Variants in BICC1 observed in about 807,000 individuals in gnomAD.
BICC1 encodes BicC family RNA binding protein 1.
In BICC1, 43 loss-of-function variants were observed where a neutral mutation model predicts 111.0. The observed-to-expected ratio is 0.39, with a 90% CI of 0.30 to 0.50. BICC1 has a LOEUF of 0.50. Among genes scored for constraint, BICC1 ranks in the 20% least tolerant of loss-of-function variants. The pLI, the probability that BICC1 is intolerant of heterozygous loss-of-function variation, is 0.88. For synonymous variants in BICC1, 467 were observed against 434.4 expected (o/e 1.07, Z -0.93); for missense variants, 1,091 against 1,203.2 (o/e 0.91, Z 1.38).
intron 2 of BICC1, among the ~76,000 whole-genome samples, chr10:58,635,522 T>C (rs917160798): frequency 1.3e-5 from 2 of 152,244 alleles, no homozygotes; most frequent in Non-Finnish European, 2.9e-5. Flanking sequence ...CAGTGAGCCT[T>C]ATCAGAAGGG....
chr10:58,683,619 G>C (rs534391091), intron 2 of BICC1, among the ~76,000 whole-genome samples: 2 of 152,078 alleles, frequency 1.3e-5, no homozygotes, highest in African/African-American at 4.8e-5. Flanking sequence ...TGGATTCCTA[G>C]GTATTTTATT....
chr10:58,815,514 C>T (rs1249775197), intron 18 of BICC1, among the ~76,000 whole-genome samples: 3 of 152,094 alleles, frequency 2.0e-5, no homozygotes, highest in Admixed American at 1.3e-4. Context: ...TATCTCCTTT[C>T]CCTTCATTTA....
chr10:58,729,891 G>A (rs747633244), intron 3 of BICC1, among the ~76,000 whole-genome samples: 21 of 152,108 alleles, frequency 1.4e-4, no homozygotes, highest in Non-Finnish European at 2.5e-4. Context: ...CTCCAACATT[G>A]GAGATTACAA....
chr10:58,802,162 T>C (rs933673902), intron 14 of BICC1, among the ~76,000 whole-genome samples: 1 of 152,218 alleles, frequency 6.6e-6, no homozygotes, highest in African/African-American at 2.4e-5. Flanking sequence ...CCTTTACTTA[T>C]GCTCTTCCCT....
intron 1 of BICC1, among the ~76,000 whole-genome samples, chr10:58,583,780 T>C (rs1844353766): frequency 6.6e-6 from 1 of 152,186 alleles, no homozygotes; most frequent in Non-Finnish European, 1.5e-5. Context: ...TTCCTCTGGG[T>C]AGATGCCCAG....
intron 1 of BICC1, among the ~76,000 whole-genome samples, chr10:58,583,499 T>G (rs1844339043): frequency 6.6e-6 from 1 of 152,114 alleles, no homozygotes; most frequent in South Asian, 2.1e-4. Flanking sequence ...TTACTTTACT[T>G]AGAACTGTGG....
intron 3 of BICC1, among the ~76,000 whole-genome samples, chr10:58,721,527 G>A (rs1428346283): frequency 1.3e-5 from 2 of 152,238 alleles, no homozygotes; most frequent in East Asian, 3.9e-4. Flanking sequence ...ATGGCAAAAT[G>A]CTTTAGAATT....
intron 3 of BICC1, among the ~76,000 whole-genome samples, chr10:58,774,946 A>T (rs1479483947): frequency 2.0e-5 from 3 of 152,192 alleles, no homozygotes; most frequent in Non-Finnish European, 2.9e-5. Flanking sequence ...ATTTCAGAAG[A>T]TCATCTTTCT....
intron 2 of BICC1, among the ~76,000 whole-genome samples, chr10:58,697,895 CT>C (rs1456962539): frequency 6.6e-6 from 1 of 152,052 alleles, no homozygotes; most frequent in Non-Finnish European, 1.5e-5. Context: ...CCCACACCCC[CT>C]GTAGAGACCT....
intron 3 of BICC1, among the ~76,000 whole-genome samples, chr10:58,718,798 G>A (rs1404918320): frequency 6.7e-5 from 10 of 148,294 alleles, no homozygotes; most frequent in Non-Finnish European, 1.2e-4. Flanking sequence ...GCACGCCCGC[G>A]TGCTTATGGG....
At chr10:58,817,438 T>C (rs902777575) in intron 18 of BICC1, 124 bp from the exon 19 acceptor site, 9 of 1,035,262 alleles carry the variant, frequency 8.7e-6, no homozygotes, top group Non-Finnish European at 2.9e-6. Context: ...GCTGTATTTC[T>C]ACAGCTACTG....
At chr10:58,784,483 G>C (rs1842957722) in intron 3 of BICC1, among the ~76,000 whole-genome samples, 1 of 152,130 alleles carries the variant, frequency 6.6e-6, no homozygotes, top group Non-Finnish European at 1.5e-5. Flanking sequence ...TGCATAAAGT[G>C]TGGATCCAGA....
intron 3 of BICC1, among the ~76,000 whole-genome samples, chr10:58,744,939 A>G (rs1765194452): frequency 6.6e-6 from 1 of 152,118 alleles, no homozygotes; most frequent in African/African-American, 2.4e-5. Context: ...AGAAAGATTG[A>G]CCCATGTTGA....
chr10:58,689,114 G>A (rs184516260), intron 2 of BICC1, among the ~76,000 whole-genome samples: 11 of 152,236 alleles, frequency 7.2e-5, no homozygotes, highest in East Asian at 1.9e-4. Flanking sequence ...ACCTTTCTGC[G>A]ATATCATCTA....
chr10:58,773,770 T>G lies in BICC1; in HGVS notation c.308-11231T>G, dbSNP rs569519739. On this transcript the variant is annotated intron_variant, in intron 3 of 20. Transcript: ENST00000373886. ...CTCTGCTGAGAAGACAAAACATCTT[T>G]TAAGTTGCCATCCTGGTGAAACTAT... Among the ~76,000 whole-genome samples the G allele has an allele frequency of 3.9e-5, 6 of 152,352 alleles. No individual in the cohort carries two copies. In the East Asian group the frequency reaches 7.7e-4, roughly 20 times the overall value.
intron 3 of BICC1, among the ~76,000 whole-genome samples, chr10:58,708,741 G>A (rs1387113448): frequency 6.6e-6 from 1 of 152,094 alleles, no homozygotes; most frequent in East Asian, 1.9e-4. Flanking sequence ...TGTGCACGTG[G>A]TTGACAAGGA....
intron 1 of BICC1, among the ~76,000 whole-genome samples, chr10:58,528,780 T>A (rs1649016): frequency 0.46 from 69,231 of 151,182 alleles, 16,823 homozygotes; most frequent in Admixed American, 0.62. Flanking sequence ...GTTCCAGTAT[T>A]CCGGGTCTTC....
intron 3 of BICC1, among the ~76,000 whole-genome samples, chr10:58,783,621 A>C (rs1266960318): frequency 6.6e-6 from 1 of 151,818 alleles, no homozygotes; most frequent in Non-Finnish European, 1.5e-5. Flanking sequence ...GAAAGGTGTG[A>C]AAGGTGTGAA....
At chr10:58,538,890 C>T (rs1842890857) in intron 1 of BICC1, among the ~76,000 whole-genome samples, 1 of 151,624 alleles carries the variant, frequency 6.6e-6, no homozygotes, top group Admixed American at 6.6e-5. Flanking sequence ...ACTACTGTAC[C>T]CCAGCCAGAA....
Sources: gnomAD v4.1 joint callset for allele counts (sites outside exome capture counted in the v4.1 genomes callset) on GRCh38, gnomAD v4.1.1 for gene constraint, MANE v1.5 for transcripts, NCBI Gene and HGNC (gene_info 2026-07-23, HGNC 2026-07-21) for gene names.